The following EHD4 variants were observed in gnomAD, a reference collection of about 807,000 sequenced individuals.
The protein encoded by EHD4 is EH domain containing 4, also known as EH domain-containing protein 4.
EHD4 carries 37 observed loss-of-function variants against 51.0 expected under a neutral mutation model. That is an observed-to-expected ratio of 0.73 (90% CI 0.56 to 0.95). The LOEUF is 0.95. Among genes scored for constraint, EHD4 ranks in the 40% least tolerant of loss-of-function variants. The pLI, the probability that EHD4 is intolerant of heterozygous loss-of-function variation, is 0.00. For missense variants in EHD4, 632 were observed against 733.1 expected, an observed-to-expected ratio of 0.86 and a Z score of 1.59; for synonymous variants, 297 against 317.3, an observed-to-expected ratio of 0.94 and a Z score of 0.68.
chr15:41,968,088 T>A (rs1416582819), intron 1 of EHD4, among the ~76,000 whole-genome samples: 1 of 152,226 alleles, frequency 6.6e-6, no homozygotes, highest in Admixed American at 6.5e-5. Context: ...AGTGGGCCGA[T>A]CACTTCCTGA....
At chr15:41,951,934 A>G (rs2067855027) in intron 2 of EHD4, among the ~76,000 whole-genome samples, 1 of 152,250 alleles carries the variant, frequency 6.6e-6, no homozygotes, top group African/African-American at 2.4e-5. Context: ...CAGTGTTCCT[A>G]TCACCATCAG....
At chr15:41,941,392 G>A (rs1263943921) in intron 3 of EHD4, among the ~76,000 whole-genome samples, 2 of 152,180 alleles carry the variant, frequency 1.3e-5, no homozygotes, top group Non-Finnish European at 2.9e-5. Flanking sequence ...TATTAGAAAT[G>A]TGTTTGCATA....
intron 3 of EHD4, chr15:41,921,557 G>C (rs1208008238): frequency 1.3e-5 from 2 of 152,236 alleles, no homozygotes; most frequent in Non-Finnish European, 2.9e-5. Flanking sequence ...CTGTTTGCTG[G>C]GTGCCGGGAA....
intron 3 of EHD4, among the ~76,000 whole-genome samples, chr15:41,924,004 C>T (rs2067644736): frequency 6.6e-6 from 1 of 152,192 alleles, no homozygotes; most frequent in African/African-American, 2.4e-5. Flanking sequence ...CATTACTTAA[C>T]GTTAAGCTCC....
chr15:41,948,178 G>A (rs1267152244), intron 2 of EHD4, among the ~76,000 whole-genome samples: 4 of 151,984 alleles, frequency 2.6e-5, no homozygotes, highest in Admixed American at 2.0e-4. Context: ...GCTTGAACCC[G>A]GGAGGCAGAG....
chr15:41,934,395 C>T (rs979462153), intron 3 of EHD4, among the ~76,000 whole-genome samples: 2 of 151,490 alleles, frequency 1.3e-5, no homozygotes, highest in Admixed American at 1.3e-4. Context: ...TAGCTCACTG[C>T]AGCCTCAAAC....
At chr15:41,934,638 G>C (rs2067720175) in intron 3 of EHD4, among the ~76,000 whole-genome samples, 2 of 152,076 alleles carry the variant, frequency 1.3e-5, no homozygotes, top group African/African-American at 2.4e-5. Context: ...CAGCTCCCCA[G>C]GTGATAACTG....
At chr15:41,949,188 G>A (rs181213886) in intron 2 of EHD4, among the ~76,000 whole-genome samples, 7 of 151,408 alleles carry the variant, frequency 4.6e-5, no homozygotes, top group African/African-American at 1.5e-4. Context: ...TCGCCAACAT[G>A]GTGAAACCTC....
rs114131152 is a variant in EHD4, at chr15:41,932,334, C to T, written c.511+10733G>A. Among the ~76,000 whole-genome samples, 1,145 of 152,352 alleles carry T rather than the reference C, an allele frequency of 7.5e-3. 19 individuals carry two copies. Among genetic ancestry groups the T allele is most frequent in the African/African-American group, 0.026 (1,087 of 41,590 alleles). On this transcript the variant is annotated intron_variant, in intron 3 of 5. Coordinates refer to ENST00000220325, the MANE Select transcript of EHD4 (RefSeq NM_139265.4). ...GAGCTGGGAGAAGCCCCAGGGTCTG[C>T]AGGCAGGGTCTGCTCTGGGAGAGGA...
chr15:41,939,005 G>A (rs1036475495), intron 3 of EHD4, among the ~76,000 whole-genome samples: 10 of 152,136 alleles, frequency 6.6e-5, no homozygotes, highest in South Asian at 2.1e-4. Context: ...GTATTTCAGC[G>A]GCCAGCATGA....
chr15:41,942,387 G>C (rs987827570), intron 3 of EHD4: 1 of 150,022 alleles, frequency 6.7e-6, no homozygotes, highest in African/African-American at 2.5e-5. Context: ...TGGGACTATA[G>C]GTGCCCACCA....
At chr15:41,921,446 C>T (rs1453595906) in intron 3 of EHD4, 1 of 152,176 alleles carries the variant, frequency 6.6e-6, no homozygotes, top group Non-Finnish European at 1.5e-5. Flanking sequence ...AACAAACTGC[C>T]TCCTAGGGTA....
At chr15:41,961,258 G>A (rs955892778) in intron 1 of EHD4, among the ~76,000 whole-genome samples, 3 of 152,226 alleles carry the variant, frequency 2.0e-5, no homozygotes, top group Admixed American at 2.0e-4. Flanking sequence ...TTACCTGTAA[G>A]TTGCTCCACT....
rs199914641 is a variant in EHD4, at chr15:41,900,786, G to A, written c.1485C>T (p.Cys495=). The change falls in exon 6 of 6, where the codon TGC becomes TGT. Residue 495 remains cysteine, a synonymous_variant. Coordinates refer to ENST00000220325, the MANE Select transcript of EHD4 (RefSeq NM_139265.4). This position sits in a 1 kb window ranked among gnomAD's most constrained non-coding sequence, Gnocchi z 4.8. ...ACTCCTCCTCATCAAGCATGCCGTC[G>A]CAGTCGCAGTCGGCCAGCTTCCAGA... ...GKIWKLADCD[C]DGMLDEEEFA... 340 of 1,614,144 alleles carry A rather than the reference G, an allele frequency of 2.1e-4. No homozygotes were observed. Among genetic ancestry groups the A allele is most frequent in the Non-Finnish European group, 2.5e-4 (299 of 1,180,040 alleles).
At chr15:41,941,834 G>A (rs1454600433) in intron 3 of EHD4, 1 of 152,120 alleles carries the variant, frequency 6.6e-6, no homozygotes, top group Non-Finnish European at 1.5e-5. Flanking sequence ...CCCTGTCACG[G>A]GACCCTCACT....
Position 41,943,039 on chromosome 15 carries a change from G to T in EHD4, c.511+28C>A, listed in dbSNP as rs557595963. ...CAGAGAGGGCCTCAGCCAGCACTTG[G>T]TGGGGAGGGGCAGGGACAGGCACTG... On this transcript the variant is annotated intron_variant, in intron 3 of 5. Coordinates refer to ENST00000220325, the MANE Select transcript of EHD4 (RefSeq NM_139265.4). 5.5e-4 allele frequency: 853 copies of T among 1,537,452 alleles called. 10 individuals are homozygous for T. The South Asian group carries it at 9.6e-3, about 17-fold the overall frequency.
chr15:41,923,405 G>A (rs536364044), intron 3 of EHD4, among the ~76,000 whole-genome samples: 1 of 152,264 alleles, frequency 6.6e-6, no homozygotes, highest in East Asian at 1.9e-4. Flanking sequence ...AAATCCCAGC[G>A]GATCTAACTC....
intron 5 of EHD4, among the ~76,000 whole-genome samples, chr15:41,901,554 G>A (rs1315327165): frequency 1.3e-5 from 2 of 152,190 alleles, no homozygotes; most frequent in African/African-American, 4.8e-5. Flanking sequence ...GAGGAAGGAG[G>A]GGCAGGCATT....
chr15:41,957,463 T>C (rs749975240), intron 1 of EHD4, among the ~76,000 whole-genome samples: 1 of 152,248 alleles, frequency 6.6e-6, no homozygotes, highest in Non-Finnish European at 1.5e-5. Context: ...GCATGGTCTA[T>C]ATACTCAGTA....
Sources: gnomAD v4.1 joint callset for allele counts (sites outside exome capture counted in the v4.1 genomes callset) on GRCh38, gnomAD v4.1.1 for gene constraint, Gnocchi (gnomAD v3.1) non-coding constraint, MANE v1.5 for transcripts, NCBI Gene and HGNC (gene_info 2026-07-23, HGNC 2026-07-21) for gene names.